The following CFAP44 variants were observed in gnomAD, a reference collection of about 807,000 sequenced individuals.
CFAP44 encodes cilia- and flagella-associated protein 44.
In CFAP44, 134 loss-of-function variants were observed where a neutral mutation model predicts 216.2. The ratio of observed to expected loss-of-function variants is 0.62; its 90% confidence interval spans 0.54 to 0.72. CFAP44 has a LOEUF of 0.72. Among genes scored for constraint, CFAP44 ranks in the 30% least tolerant of loss-of-function variants. The pLI is 0.00. For synonymous variants in CFAP44, 700 were observed against 727.6 expected, an observed-to-expected ratio of 0.96 and a Z score of 0.61; for missense variants, 2,035 against 2,182.1, an observed-to-expected ratio of 0.93 and a Z score of 1.34.
At chr3:113,322,358 C>T (rs371556138) in intron 28 of CFAP44, among the ~76,000 whole-genome samples, 2 of 152,174 alleles carry the variant, frequency 1.3e-5, no homozygotes, top group African/African-American at 4.8e-5. Context: ...ACAAGCTATG[C>T]ATCCAACAAA....
At chr3:113,416,098 C>T (rs1934638371) in intron 6 of CFAP44, among the ~76,000 whole-genome samples, 1 of 152,118 alleles carries the variant, frequency 6.6e-6, no homozygotes, top group Admixed American at 6.6e-5. Context: ...GTTCCTGTTA[C>T]CATTATGTAA....
At chr3:113,361,408 C>T (rs1330114579) in intron 21 of CFAP44, 1 of 161,222 alleles carries the variant, frequency 6.2e-6, no homozygotes, top group Non-Finnish European at 1.4e-5. Flanking sequence ...CAAAAAATGA[C>T]TACTATTATT....
At chr3:113,397,733 AG>A in intron 13 of CFAP44, among the ~76,000 whole-genome samples, 1 of 152,288 alleles carries the variant, frequency 6.6e-6, no homozygotes, top group African/African-American at 2.4e-5. Flanking sequence ...AAGCAGAGGG[AG>A]GAGTCAAGGA....
chr3:113,396,548 A>G lies in CFAP44; in HGVS notation c.1749T>C (p.Tyr583=). 6.2e-7 allele frequency: 1 copy of G among 1,614,146 alleles called. No individual in the cohort carries two copies. The highest frequency in any genetic ancestry group is 1.1e-5 in the South Asian group (1 of 91,084). Residue 583 remains tyrosine (Y), a synonymous_variant, in exon 14 of 35, where the codon TAT becomes TAC. Transcript: ENST00000393845. ...TGGCTAGAATTTCCCCATCACGTTC[A>G]TAAGCTAAAGCAGTGACACAAGCAG... ...PHTACVTALA[Y]ERDGEILATG... is the part of the protein sequence containing the mutation.
In CFAP44 at chr3:113,431,461, G is replaced by A. The variant is rs114488147; in HGVS notation, c.100+2104C>T. Among the ~76,000 whole-genome samples, 1,311 of 152,186 alleles carry A rather than the reference G, an allele frequency of 8.6e-3. 16 individuals are homozygous for A. The highest frequency in any genetic ancestry group is 0.021 in the African/African-American group (886 of 41,536). On this transcript the variant is annotated intron_variant, in intron 2 of 34. Transcript: ENST00000393845. ...ATCCAGGAAAACACTGCCGAGGACT[G>A]GAAACCAACACACAGACAATCCTGT...
chr3:113,413,446 T>C (rs1934548076), intron 6 of CFAP44, among the ~76,000 whole-genome samples: 1 of 152,230 alleles, frequency 6.6e-6, no homozygotes, highest in African/African-American at 2.4e-5. Flanking sequence ...TCTTTGCCCA[T>C]GCCTATGTCC....
At chr3:113,421,998 T>A (rs1934829098) in intron 4 of CFAP44, among the ~76,000 whole-genome samples, 1 of 152,180 alleles carries the variant, frequency 6.6e-6, no homozygotes, top group South Asian at 2.1e-4. Flanking sequence ...AAATATATTT[T>A]TTTAAAAAAG....
At chr3:113,357,675 A>G (rs953089901) in intron 22 of CFAP44, among the ~76,000 whole-genome samples, 1 of 152,220 alleles carries the variant, frequency 6.6e-6, no homozygotes, top group Non-Finnish European at 1.5e-5. Context: ...ACTTTTTTAC[A>G]GTAGCCCTAA....
At chr3:113,348,751 TC>T (rs563323904) in intron 22 of CFAP44, among the ~76,000 whole-genome samples, 278 of 152,270 alleles carry the variant, frequency 1.8e-3, no homozygotes, top group Non-Finnish European at 3.5e-3. Context: ...CGGGTACATG[TC>T]CCCTTCTTCC....
intron 32 of CFAP44, among the ~76,000 whole-genome samples, 191 bp downstream of exon 32, chr3:113,303,725 T>A (rs1309236870): frequency 6.6e-6 from 1 of 152,196 alleles, no homozygotes. Flanking sequence ...TTTCTCCCTT[T>A]AAAACAGGAA....
intron 15 of CFAP44, among the ~76,000 whole-genome samples, chr3:113,381,678 G>A (rs564199252): frequency 3.2e-4 from 49 of 152,264 alleles, no homozygotes; most frequent in African/African-American, 1.0e-3. Flanking sequence ...AATCATGAAT[G>A]GGAAATCTCC....
chr3:113,309,590 T>C (rs1339944815), intron 28 of CFAP44, among the ~76,000 whole-genome samples: 1 of 151,978 alleles, frequency 6.6e-6, no homozygotes, highest in African/African-American at 2.4e-5. Flanking sequence ...GGATAAGGGG[T>C]TGTAGACCTT....
At chr3:113,397,748 C>T (rs1934026623) in intron 13 of CFAP44, among the ~76,000 whole-genome samples, 1 of 152,038 alleles carries the variant, frequency 6.6e-6, no homozygotes, top group African/African-American at 2.4e-5. Context: ...TCAAGGATGA[C>T]TGATAATGGC....
intron 4 of CFAP44, among the ~76,000 whole-genome samples, chr3:113,422,493 C>CTGG (rs1934843860): frequency 6.6e-6 from 1 of 152,134 alleles, no homozygotes; most frequent in Non-Finnish European, 1.5e-5. Context: ...TAAAGCATTT[C>CTGG]AGGGTACTGG....
chr3:113,416,551 G>A lies in CFAP44; in HGVS notation c.647C>T (p.Ser216Phe). The A allele has an allele frequency of 6.2e-7, 1 of 1,611,628 alleles. No homozygotes were observed. Among genetic ancestry groups the A allele is most frequent in the South Asian group, 1.1e-5 (1 of 90,876 alleles). Reference protein sequence around the residue: ...FPDIIIYEYPSLRPYRVLRDG... With the variant: ...FPDIIIYEYPFLRPYRVLRDG... The stretch of plus-strand genomic sequence containing the variant: ...TCGAAGGACTCTGTATGGTCTCAGA[G>A]AAGGATATTCATAGATGATAATATC... Residue 216 changes from serine to phenylalanine, a missense_variant, in exon 6 of 35, where the codon TCT (serine) becomes TTT (phenylalanine). Transcript: ENST00000393845.
intron 28 of CFAP44, among the ~76,000 whole-genome samples, chr3:113,309,912 G>A (rs1409614786): frequency 1.3e-5 from 2 of 152,144 alleles, no homozygotes; most frequent in African/African-American, 4.8e-5. Context: ...GCTCTCTCTA[G>A]CCAAAGGACC....
At chr3:113,332,591 A>G (rs1257411677) in intron 25 of CFAP44, among the ~76,000 whole-genome samples, 1 of 152,220 alleles carries the variant, frequency 6.6e-6, no homozygotes, top group East Asian at 1.9e-4. Context: ...AGTAGCTCAG[A>G]TGACCTTTAA....
At chr3:113,335,449 C>T (rs531273302) in intron 24 of CFAP44, among the ~76,000 whole-genome samples, 2 of 152,294 alleles carry the variant, frequency 1.3e-5, no homozygotes, top group East Asian at 3.9e-4. Flanking sequence ...AGAAATGCTT[C>T]TGGAAATCTA....
chr3:113,301,134 T>C (rs1198994701), intron 32 of CFAP44, among the ~76,000 whole-genome samples: 1 of 152,170 alleles, frequency 6.6e-6, no homozygotes, highest in Non-Finnish European at 1.5e-5. Context: ...ATCATTTTAG[T>C]AGAATCATAT....
Sources: allele counts gnomAD v4.1 joint callset (sites outside exome capture counted in the v4.1 genomes callset), GRCh38; gene constraint gnomAD v4.1.1; transcripts MANE v1.5; gene names NCBI Gene and HGNC (gene_info 2026-07-23, HGNC 2026-07-21).